TBC1D23: variants seen among roughly 807,000 people sequenced by gnomAD.
TBC1D23 encodes TBC1 domain family member 23, also known as HCV non-structural protein 4A-transactivated protein 1.
Under a neutral mutation model 91.4 loss-of-function variants are expected in TBC1D23, and 55 were observed. The observed-to-expected ratio is 0.60, with a 90% CI of 0.48 to 0.75. The LOEUF (loss-of-function observed/expected upper bound fraction) is 0.75. Among genes scored for constraint, TBC1D23 ranks in the 30% least tolerant of loss-of-function variants. The probability of loss-of-function intolerance (pLI) is 0.00; values close to 1 mark genes in which losing one functional copy is unlikely to be tolerated. For synonymous variants in TBC1D23, 289 were observed against 281.0 expected, an observed-to-expected ratio of 1.03 and a Z score of -0.28; for missense variants, 725 against 836.1, an observed-to-expected ratio of 0.87 and a Z score of 1.64.
intron 16 of TBC1D23, among the ~76,000 whole-genome samples, chr3:100,316,954 A>G (rs1705759381): frequency 6.6e-6 from 1 of 152,008 alleles, no homozygotes; most frequent in African/African-American, 2.4e-5. Flanking sequence ...ATGGGAGTGC[A>G]TGCCCATAAT....
intron 1 of TBC1D23, among the ~76,000 whole-genome samples, chr3:100,261,765 T>G (rs1241083129): frequency 6.6e-6 from 1 of 152,200 alleles, no homozygotes; most frequent in Non-Finnish European, 1.5e-5. Flanking sequence ...CGCCAATAAT[T>G]TTTTGGTAAA....
chr3:100,316,832 C>A (rs2148872365), intron 16 of TBC1D23, among the ~76,000 whole-genome samples: 1 of 152,186 alleles, frequency 6.6e-6, no homozygotes, highest in Admixed American at 6.5e-5. Flanking sequence ...GTGGTTCACG[C>A]TGTAATCCCA....
Position 100,298,313 on chromosome 3 carries a change from A to C in TBC1D23, c.999+268A>C, listed in dbSNP as rs527814463. Among the ~76,000 whole-genome samples, 429 of 152,174 alleles carry C rather than the reference A, an allele frequency of 2.8e-3. 1 individual carries two copies. The highest frequency in any genetic ancestry group is 4.4e-3 in the Non-Finnish European group (302 of 68,004). The stretch of plus-strand genomic sequence containing the variant: ...TCGCCGTATCTTTTTTCCATATTTC[A>C]GTAGAGCAACTGAATGTGGCATTGT... On this transcript the variant is annotated intron_variant, in intron 9 of 18. Coordinates refer to ENST00000394144, the MANE Select transcript of TBC1D23 (RefSeq NM_001199198.3).
chr3:100,295,180 T>C lies in TBC1D23; in HGVS notation c.694T>C (p.Phe232Leu). ...ACAAGCAGATCCATTTTTTATTTAT[T>C]TCTTAATGTTAATTATCCTTGTTAA... ...LQQADPFFIY[F>L]LMLIILVNAK... Residue 232 changes from phenylalanine to leucine, a missense_variant, in exon 6 of 19, where the codon TTC (phenylalanine) becomes CTC (leucine). Coordinates refer to ENST00000394144, the MANE Select transcript of TBC1D23 (RefSeq NM_001199198.3). 6.2e-7 allele frequency: 1 copy of C among 1,603,586 alleles called. No homozygotes were observed. The highest frequency in any genetic ancestry group is 1.1e-5 in the South Asian group (1 of 88,866).
intron 13 of TBC1D23, among the ~76,000 whole-genome samples, chr3:100,309,036 G>T (rs1705569898): frequency 6.6e-6 from 1 of 152,154 alleles, no homozygotes; most frequent in African/African-American, 2.4e-5. Context: ...AGCCAGGTGT[G>T]GTGGTAGGTG....
In TBC1D23 at chr3:100,306,558, A is replaced by C; in HGVS notation, c.1413+15A>C. ...ATTCTGTTGATGTAAGTATATGTAGAGAATATGTTACCGGATTTGGATAAG... is the reference window on the plus strand; with the variant it reads ...ATTCTGTTGATGTAAGTATATGTAGCGAATATGTTACCGGATTTGGATAAG... On this transcript the variant is annotated intron_variant, in intron 13 of 18. Transcript: ENST00000394144. 1 of 1,466,524 alleles carries C rather than the reference A, an allele frequency of 6.8e-7. No individual in the cohort carries two copies. The highest frequency in any genetic ancestry group is 1.2e-5 in the South Asian group (1 of 86,202). The allele number at this position is 1,466,524 out of a possible 1,614,324, so 90.8% of individuals were successfully genotyped here.
rs753401905 is a variant in TBC1D23 at position 100,261,074 on chromosome 3, G to A, written c.53+3G>A. The A allele has an allele frequency of 3.1e-6, 5 of 1,613,322 alleles. No individual in the cohort carries two copies. Among genetic ancestry groups the A allele is most frequent in the Non-Finnish European group, 8.5e-7 (1 of 1,179,292 alleles). On this transcript the variant is annotated splice_donor_region_variant and intron_variant, in intron 1 of 18. Transcript: ENST00000394144. ...CCAACGTCGAGCGGCGACGGCTGGT[G>A]AGTGAAAGCCGGGGCTAATTTCCAA...
intron 1 of TBC1D23, among the ~76,000 whole-genome samples, chr3:100,269,526 A>C (rs988328234): frequency 1.3e-5 from 2 of 152,212 alleles, no homozygotes; most frequent in Admixed American, 1.3e-4. Flanking sequence ...CTATCATACT[A>C]TTGAAATACT....
rs1489830459 is a variant in TBC1D23, at chr3:100,267,804, C to T, written c.53+6733C>T. On this transcript the variant is annotated intron_variant, in intron 1 of 18. Transcript: ENST00000394144. Reference sequence around the variant, plus strand: ...GAAAATACTGTACATTTGCATAGAGCGTTACTCTTTATATATAATGCTTAT... The same window carrying T: ...GAAAATACTGTACATTTGCATAGAGTGTTACTCTTTATATATAATGCTTAT... Among the ~76,000 whole-genome samples the T allele has an allele frequency of 2.6e-5, 4 of 152,094 alleles. 1 individual carries two copies. Among genetic ancestry groups the T allele is most frequent in the South Asian group, 4.1e-4 (2 of 4,826 alleles).
chr3:100,304,948 T>A, intron 12 of TBC1D23, 60 bp downstream of exon 12: 1 of 922,114 alleles, frequency 1.1e-6, no homozygotes, highest in Non-Finnish European at 1.8e-6. Flanking sequence ...GTATTGATTA[T>A]CAATAGAGTT....
intron 4 of TBC1D23, among the ~76,000 whole-genome samples, chr3:100,286,458 G>A (rs1485145474): frequency 6.6e-6 from 1 of 151,818 alleles, no homozygotes; most frequent in African/African-American, 2.4e-5. Context: ...AAGGAACCCC[G>A]AGCCCCACAG....
intron 1 of TBC1D23, among the ~76,000 whole-genome samples, chr3:100,275,410 G>T (rs1244207325): frequency 6.6e-6 from 1 of 152,016 alleles, no homozygotes; most frequent in African/African-American, 2.4e-5. Flanking sequence ...GCCTCAGCCT[G>T]TTGAGTAGCT....
intron 15 of TBC1D23, among the ~76,000 whole-genome samples, chr3:100,315,452 G>A (rs1417511953): frequency 2.6e-5 from 4 of 152,062 alleles, no homozygotes; most frequent in East Asian, 3.9e-4. Context: ...GTGAGCCACC[G>A]CGCCCGGCCG....
At chr3:100,275,044 G>A (rs1273322815) in intron 1 of TBC1D23, among the ~76,000 whole-genome samples, 1 of 151,754 alleles carries the variant, frequency 6.6e-6, no homozygotes, top group Non-Finnish European at 1.5e-5. Flanking sequence ...AGACATTTCA[G>A]GATATGGAAT....
At chr3:100,321,031 T>A (rs1705848966) in intron 18 of TBC1D23, 60 bp downstream of exon 18, 1 of 1,268,978 alleles carries the variant, frequency 7.9e-7, no homozygotes. Flanking sequence ...TTACTGTAGT[T>A]CACTATAAAG....
intron 8 of TBC1D23, among the ~76,000 whole-genome samples, chr3:100,296,595 C>G (rs989322268): frequency 2.6e-5 from 4 of 151,364 alleles, no homozygotes; most frequent in African/African-American, 4.9e-5. Context: ...CGTGGTGGCT[C>G]ACGCCTGTAA....
chr3:100,290,584 T>C lies in TBC1D23; in HGVS notation c.483T>C (p.Cys161=), dbSNP rs2148858662. Reference sequence around the variant, plus strand: ...TGCTTCTCTTGTCTTCTAGGGATTGTTCCCAGAAAGGGAGACCATTTCATC... The same window carrying C: ...TGCTTCTCTTGTCTTCTAGGGATTGCTCCCAGAAAGGGAGACCATTTCATC... ...AIMNKYIPRD[C]SQKGRPFHLF... is the part of the protein sequence containing the mutation. The change falls in exon 5 of 19, where the codon TGT becomes TGC. Residue 161 remains cysteine, a synonymous_variant. Transcript: ENST00000394144. 1 of 1,613,722 alleles carries C rather than the reference T, an allele frequency of 6.2e-7. No individual in the cohort carries two copies. Among genetic ancestry groups the C allele is most frequent in the East Asian group, 2.2e-5 (1 of 44,846 alleles).
chr3:100,287,371 T>A (rs1446096304), intron 4 of TBC1D23, among the ~76,000 whole-genome samples: 1 of 152,218 alleles, frequency 6.6e-6, no homozygotes, highest in African/African-American at 2.4e-5. Flanking sequence ...TCAAGCACAG[T>A]GCCTTGTACT....
intron 10 of TBC1D23, among the ~76,000 whole-genome samples, chr3:100,301,222 G>A (rs969829724): frequency 2.1e-5 from 3 of 145,328 alleles, no homozygotes; most frequent in East Asian, 4.0e-4. Context: ...GCGGTGAGCC[G>A]AGATCGCACC....
Sources: gnomAD v4.1 joint callset for allele counts (sites outside exome capture counted in the v4.1 genomes callset) on GRCh38, gnomAD v4.1.1 for gene constraint, MANE v1.5 for transcripts, NCBI Gene and HGNC (gene_info 2026-07-23, HGNC 2026-07-21) for gene names.